The following HECW1 variants were observed in gnomAD, a reference collection of about 807,000 sequenced individuals.
HECW1 encodes the protein E3 ubiquitin-protein ligase HECW1.
In HECW1, 61 loss-of-function variants were observed where a neutral mutation model predicts 182.3. The observed-to-expected ratio is 0.33, with a 90% CI of 0.27 to 0.41. The LOEUF is 0.41. HECW1 is among the 10% of genes least tolerant of loss of function. The pLI, the probability that HECW1 is intolerant of heterozygous loss-of-function variation, is 1.00. For synonymous variants in HECW1, 859 were observed against 832.6 expected, an observed-to-expected ratio of 1.03 and a Z score of -0.55; for missense variants, 1,739 against 2,108.9, an observed-to-expected ratio of 0.82 and a Z score of 3.44.
At chr7:43,390,864 A>T (rs1410824789) in intron 6 of HECW1, among the ~76,000 whole-genome samples, 1 of 152,154 alleles carries the variant, frequency 6.6e-6, no homozygotes, top group Non-Finnish European at 1.5e-5. Flanking sequence ...CAATGGCTGG[A>T]ATGTAACAAA....
intron 24 of HECW1, among the ~76,000 whole-genome samples, chr7:43,529,862 C>T (rs1325487392): frequency 6.6e-6 from 1 of 152,160 alleles, no homozygotes; most frequent in Non-Finnish European, 1.5e-5. Flanking sequence ...TTTCAGTAAT[C>T]GTCACCAGCA....
chr7:43,468,055 C>T (rs1244313362), intron 15 of HECW1, among the ~76,000 whole-genome samples: 1 of 151,590 alleles, frequency 6.6e-6, no homozygotes, highest in African/African-American at 2.4e-5. Flanking sequence ...ACTGGCCCAA[C>T]CCCCCGTCTA....
At chr7:43,417,055 T>G (rs1430265080) in intron 8 of HECW1, among the ~76,000 whole-genome samples, 1 of 152,126 alleles carries the variant, frequency 6.6e-6, no homozygotes, top group Non-Finnish European at 1.5e-5. Flanking sequence ...CTCCTCTCAT[T>G]TATTTATTTT....
chr7:43,404,804 A>C (rs543002755), intron 7 of HECW1, among the ~76,000 whole-genome samples: 2 of 152,194 alleles, frequency 1.3e-5, no homozygotes, highest in East Asian at 3.9e-4. Context: ...ATGAAACCCT[A>C]TCCCTACTAA....
chr7:43,192,534 A>G lies in HECW1; in HGVS notation c.-31-51341A>G, dbSNP rs986555663. 1.3e-5 allele frequency among the ~76,000 whole-genome samples: 2 copies of G among 149,902 alleles called. 1 individual carries two copies. Among genetic ancestry groups the G allele is most frequent in the South Asian group, 4.2e-4 (2 of 4,758 alleles). ...ATACGTAAAGATAAACTTCATAAAA[A>G]GAAAAAAGTGGTACACTATTGAAGA... On this transcript the variant is annotated intron_variant, in intron 2 of 29. Coordinates refer to ENST00000395891, the MANE Select transcript of HECW1 (RefSeq NM_015052.5).
intron 6 of HECW1, among the ~76,000 whole-genome samples, chr7:43,363,541 C>G (rs1234780705): frequency 6.6e-6 from 1 of 152,178 alleles, no homozygotes; most frequent in East Asian, 1.9e-4. Flanking sequence ...TTCTAGTCCC[C>G]AAGCATGTGA....
intron 3 of HECW1, among the ~76,000 whole-genome samples, chr7:43,276,660 A>C (rs1401852323): frequency 6.6e-6 from 1 of 152,172 alleles, no homozygotes; most frequent in African/African-American, 2.4e-5. Context: ...TAAATGCTTT[A>C]GGCCAATGCA....
chr7:43,551,863 C>A (rs886812287), intron 27 of HECW1, among the ~76,000 whole-genome samples: 3 of 152,038 alleles, frequency 2.0e-5, no homozygotes, highest in African/African-American at 7.2e-5. Context: ...AAGGGGCCAC[C>A]TTCTGGTTCA....
chr7:43,363,561 C>T (rs577648608), intron 6 of HECW1, among the ~76,000 whole-genome samples: 9 of 152,172 alleles, frequency 5.9e-5, no homozygotes, highest in Non-Finnish European at 1.2e-4. Context: ...AGAGCTCGAT[C>T]GCATAGCCCC....
At chr7:43,171,867 G>T (rs1351609069) in intron 2 of HECW1, among the ~76,000 whole-genome samples, 1 of 152,136 alleles carries the variant, frequency 6.6e-6, no homozygotes, top group East Asian at 1.9e-4. Context: ...CAGTTTTTGA[G>T]ATTAGTTTAA....
At chr7:43,439,519 G>A (rs1010512717) in intron 9 of HECW1, 6 of 152,726 alleles carry the variant, frequency 3.9e-5, no homozygotes, top group African/African-American at 1.2e-4. Context: ...TAGCACCTCT[G>A]CCAGGGGGTG....
chr7:43,300,371 G>C (rs1282161255), intron 3 of HECW1, among the ~76,000 whole-genome samples: 1 of 152,198 alleles, frequency 6.6e-6, no homozygotes, highest in Non-Finnish European at 1.5e-5. Flanking sequence ...CACAAGAGTG[G>C]GCAGAGTGAT....
intron 8 of HECW1, among the ~76,000 whole-genome samples, chr7:43,412,618 C>A (rs1315526005): frequency 5.3e-5 from 7 of 131,056 alleles, no homozygotes; most frequent in African/African-American, 1.7e-4. Flanking sequence ...CCCACCCCAC[C>A]ACAGTCCCCA....
At chr7:43,331,614 G>A (rs1401332124) in intron 5 of HECW1, among the ~76,000 whole-genome samples, 1 of 151,892 alleles carries the variant, frequency 6.6e-6, no homozygotes, top group African/African-American at 2.4e-5. Flanking sequence ...AAAGATCAGG[G>A]TGAGCTTGCA....
intron 14 of HECW1, among the ~76,000 whole-genome samples, chr7:43,465,758 C>T (rs1427630843): frequency 1.3e-5 from 2 of 151,974 alleles, no homozygotes; most frequent in Non-Finnish European, 2.9e-5. Context: ...AGGCATGGTG[C>T]TGCATGCCTG....
At chr7:43,453,366 G>A (rs1055818937) in intron 12 of HECW1, among the ~76,000 whole-genome samples, 1 of 152,118 alleles carries the variant, frequency 6.6e-6, no homozygotes, top group Admixed American at 6.5e-5. Context: ...AGAAAGATAG[G>A]TATCAAAAAT....
chr7:43,197,072 A>T (rs1321764486), intron 2 of HECW1, among the ~76,000 whole-genome samples: 2 of 152,156 alleles, frequency 1.3e-5, no homozygotes, highest in African/African-American at 2.4e-5. Flanking sequence ...AAGAAAAAAG[A>T]CCTATTAATT....
intron 6 of HECW1, among the ~76,000 whole-genome samples, chr7:43,390,811 G>A (rs2074998725): frequency 6.6e-6 from 1 of 152,134 alleles, no homozygotes. Context: ...TGACTGAGGA[G>A]CTAGGTTAAA....
chr7:43,135,006 C>CGTGGTT (rs1226577817), intron 2 of HECW1, among the ~76,000 whole-genome samples: 98 of 152,214 alleles, frequency 6.4e-4, no homozygotes, highest in African/African-American at 2.3e-3. Flanking sequence ...GATTTGCCTA[C>CGTGGTT]TCTGTGAAGG....
Sources: allele counts gnomAD v4.1 joint callset (sites outside exome capture counted in the v4.1 genomes callset), GRCh38; gene constraint gnomAD v4.1.1; transcripts MANE v1.5; gene names NCBI Gene and HGNC (gene_info 2026-07-23, HGNC 2026-07-21).